The following SLC3A1 variants were observed in gnomAD, a reference collection of about 807,000 sequenced individuals.
SLC3A1 encodes amino acid transporter heavy chain SLC3A1.
SLC3A1 carries 78 observed loss-of-function variants against 60.3 expected under a neutral mutation model. That is an observed-to-expected ratio of 1.29 (90% CI 1.08 to 1.56). The LOEUF is 1.56. SLC3A1 is among the 40% of genes most tolerant of loss of function. SLC3A1 has a pLI of 0.00. For missense variants in SLC3A1, 1,172 were observed against 858.9 expected (o/e 1.36, Z -4.56); for synonymous variants, 392 against 307.9 (o/e 1.27, Z -2.86).
Position 44,320,724 on chromosome 2 carries a change from G to A in SLC3A1, c.*85G>A, listed in dbSNP as rs1672867900. ...AGCTTCATGTACAGCATGCTGCTTG[G>A]TGAACAATCATTAATTCTTCGATAT... On this transcript the variant is annotated 3_prime_UTR_variant, in exon 10 of 10. Transcript: ENST00000260649. 9.7e-7 allele frequency: 1 copy of A among 1,028,868 alleles called. No homozygotes were observed. The highest frequency in any genetic ancestry group is 1.5e-6 in the Non-Finnish European group (1 of 653,716). The allele number at this position is 1,028,868 out of a possible 1,614,324, so 63.7% of individuals were successfully genotyped here.
chr2:44,314,359 T>C, intron 9 of SLC3A1: 2 of 390,736 alleles, frequency 5.1e-6, no homozygotes, highest in Non-Finnish European at 9.3e-6. Context: ...AGAGCAAGGC[T>C]CAAATCCACA....
intron 5 of SLC3A1, 76 bp downstream of exon 5, chr2:44,300,166 G>T (rs1671966564): frequency 2.8e-6 from 4 of 1,441,236 alleles, no homozygotes; most frequent in Admixed American, 1.7e-5. Flanking sequence ...CTCAGCCTGA[G>T]ATACCAGTTA....
In SLC3A1 at chr2:44,320,863, A is replaced by T. The variant is rs1672882659; in HGVS notation, c.*224A>T. 1.3e-5 allele frequency: 7 copies of T among 559,286 alleles called. No individual in the cohort carries two copies. The highest frequency in any genetic ancestry group is 2.2e-5 in the Non-Finnish European group (7 of 314,006). 34.6% of individuals were successfully genotyped at this position (559,286 alleles called of 1,614,324 possible). ...GAGCTTATAACTTTATTCAGATAGCATCAATCAGGGATGACCAGAACACAT... is the reference window on the plus strand; with the variant it reads ...GAGCTTATAACTTTATTCAGATAGCTTCAATCAGGGATGACCAGAACACAT... On this transcript the variant is annotated 3_prime_UTR_variant, in exon 10 of 10. Coordinates refer to ENST00000260649, the MANE Select transcript of SLC3A1 (RefSeq NM_000341.4).
Position 44,300,051 on chromosome 2 carries a change from C to A in SLC3A1, c.972C>A (p.His324Gln). The change falls in exon 5 of 10, where the codon CAC becomes CAA. Residue 324 changes from histidine to glutamine, a missense_variant. Transcript: ENST00000260649. ...TTAAATTCCTCCTAGAAGCAAAGCACCTGAGAGATGAGATCCAAGTAAATA... is the reference window on the plus strand; with the variant it reads ...TTAAATTCCTCCTAGAAGCAAAGCAACTGAGAGATGAGATCCAAGTAAATA... ...DAVKFLLEAK[H>Q]LRDEIQVNKT... The A allele has an allele frequency of 6.2e-7, 1 of 1,613,696 alleles. No individual in the cohort carries two copies.
At chr2:44,313,096 A>G (rs937045905) in intron 8 of SLC3A1, among the ~76,000 whole-genome samples, 2 of 152,094 alleles carry the variant, frequency 1.3e-5, no homozygotes, top group African/African-American at 4.8e-5. Context: ...TTAGTTTAGA[A>G]TATGACTCAT....
At chr2:44,311,171 GT>G (rs1672286598) in intron 7 of SLC3A1, among the ~76,000 whole-genome samples, 1 of 152,090 alleles carries the variant, frequency 6.6e-6, no homozygotes, top group African/African-American at 2.4e-5. Context: ...TCCTTTGCTA[GT>G]TCAAATTTGT....
In SLC3A1 at chr2:44,320,873, G is replaced by GATGAC. The variant is rs1435586580; in HGVS notation, c.*235_*239dup. 1.3e-5 allele frequency: 7 copies of GATGAC among 546,466 alleles called. No individual in the cohort carries two copies. The African/African-American group carries it at 1.3e-4, about 10-fold the overall frequency. The allele number at this position is 546,466 out of a possible 1,614,324, so 33.9% of individuals were successfully genotyped here. A position where few individuals can be genotyped will look rare whatever the true frequency, so the allele number is the denominator to read the frequency against. ...CTTTATTCAGATAGCATCAATCAGGGATGACCAGAACACATTAGGACCCCA... is the reference window on the plus strand; with the variant it reads ...CTTTATTCAGATAGCATCAATCAGGGATGACATGACCAGAACACATTAGGACCCCA... On this transcript the variant is annotated 3_prime_UTR_variant, in exon 10 of 10. Coordinates refer to ENST00000260649, the MANE Select transcript of SLC3A1 (RefSeq NM_000341.4).
rs540001716 is a variant in SLC3A1, at chr2:44,293,870, C to G, written c.892-6101C>G. ...ATCTTCCTGAGCCACAGTTTCCTCA[C>G]TGGTAAAGGGGGAACAATAATGGTA... On this transcript the variant is annotated intron_variant, in intron 4 of 9. Coordinates refer to ENST00000260649, the MANE Select transcript of SLC3A1 (RefSeq NM_000341.4). Among the ~76,000 whole-genome samples the G allele has an allele frequency of 2.0e-5, 3 of 152,288 alleles. No homozygotes were observed. In the South Asian group the frequency reaches 6.2e-4, roughly 32 times the overall value.
At chr2:44,301,812 C>T (rs988380109) in intron 6 of SLC3A1, among the ~76,000 whole-genome samples, 3 of 151,314 alleles carry the variant, frequency 2.0e-5, no homozygotes, top group Non-Finnish European at 4.4e-5. Context: ...GCCTGTAATC[C>T]CAGCACTGTG....
intron 7 of SLC3A1, among the ~76,000 whole-genome samples, chr2:44,309,868 GATT>G (rs1020943056): frequency 1.3e-5 from 2 of 152,166 alleles, no homozygotes; most frequent in Non-Finnish European, 2.9e-5. Context: ...AAAGTGCTGG[GATT>G]ACAGGCATAA....
At chr2:44,305,195 C>T (rs370126864) in intron 7 of SLC3A1, among the ~76,000 whole-genome samples, 6 of 152,108 alleles carry the variant, frequency 3.9e-5, no homozygotes, top group African/African-American at 7.2e-5. Flanking sequence ...TACAGCAATA[C>T]ATACCTGTGG....
chr2:44,317,452 A>T (rs192516607), intron 9 of SLC3A1, among the ~76,000 whole-genome samples: 3 of 79,328 alleles, frequency 3.8e-5, no homozygotes, highest in Admixed American at 3.6e-4. Flanking sequence ...ACAGAGGGAG[A>T]TTGTGTCAAA....
rs1671348580 is a variant in SLC3A1, at chr2:44,276,667, C to A, written c.430+702C>A. 2.0e-5 allele frequency among the ~76,000 whole-genome samples: 3 copies of A among 151,122 alleles called. No individual in the cohort carries two copies. The South Asian group carries it at 6.3e-4, about 32-fold the overall frequency. ...CTTGAGCCCAGGAGCTCTCAGCCAG[C>A]CAGCTTAGGCAACATAGGGAGACCC... On this transcript the variant is annotated intron_variant, in intron 1 of 9. Coordinates refer to ENST00000260649, the MANE Select transcript of SLC3A1 (RefSeq NM_000341.4).
intron 3 of SLC3A1, among the ~76,000 whole-genome samples, chr2:44,282,218 A>AG (rs1671515215): frequency 6.6e-6 from 1 of 152,028 alleles, no homozygotes; most frequent in Non-Finnish European, 1.5e-5. Context: ...ACAAAACCCT[A>AG]GCCATGAATG....
At chr2:44,284,085 C>CT (rs1377834718) in intron 3 of SLC3A1, among the ~76,000 whole-genome samples, 4 of 151,826 alleles carry the variant, frequency 2.6e-5, no homozygotes, top group South Asian at 2.1e-4. Flanking sequence ...GCAAGGGCTT[C>CT]TTTTTTTTAT....
At chr2:44,308,354 A>G (rs1323505515) in intron 7 of SLC3A1, among the ~76,000 whole-genome samples, 2 of 152,208 alleles carry the variant, frequency 1.3e-5, no homozygotes, top group Non-Finnish European at 2.9e-5. Context: ...TGTGAATTTT[A>G]GGATTTCCAT....
chr2:44,280,599 A>G (rs1671472976), intron 1 of SLC3A1, 117 bp from the exon 2 acceptor site: 1 of 738,146 alleles, frequency 1.4e-6, no homozygotes, highest in Non-Finnish European at 2.3e-6. Flanking sequence ...ATTCAACAAA[A>G]TTCTAAGTAT....
intron 7 of SLC3A1, among the ~76,000 whole-genome samples, chr2:44,307,338 C>T (rs1320850892): frequency 6.6e-6 from 1 of 152,158 alleles, no homozygotes; most frequent in Non-Finnish European, 1.5e-5. Context: ...TTTCAATTCT[C>T]TCTGATATAT....
At chr2:44,321,980 T>C, downstream of SLC3A1, 3 of 1,382,548 alleles carry the variant, frequency 2.2e-6, no homozygotes, top group Non-Finnish European at 2.0e-6. Context: ...CCTCCCCTCT[T>C]CTTTGAGTAC....
Sources: allele counts gnomAD v4.1 joint callset (sites outside exome capture counted in the v4.1 genomes callset), GRCh38; gene constraint gnomAD v4.1.1; transcripts MANE v1.5; gene names NCBI Gene and HGNC (gene_info 2026-07-23, HGNC 2026-07-21).